The following RBFOX1 variants were observed in gnomAD, a reference collection of about 807,000 sequenced individuals.
RBFOX1 encodes RNA binding fox-1 homolog 1, also known as RNA binding protein fox-1 homolog 1.
Under a neutral mutation model 57.7 loss-of-function variants are expected in RBFOX1, and 8 were observed. The observed-to-expected ratio is 0.14, with a 90% confidence interval of 0.08 to 0.25. The LOEUF (loss-of-function observed/expected upper bound fraction) is 0.25, where lower values mean the gene tolerates loss of function less well. Ranked by LOEUF, RBFOX1 falls within the 10% of genes least tolerant of loss-of-function variation. The pLI is 1.00. For synonymous variants in RBFOX1, 326 were observed against 222.4 expected (o/e 1.47, Z -4.15); for missense variants, 611 against 548.5 (o/e 1.11, Z -1.14).
chr16:7,608,515 G>A (rs114360617), intron 10 of RBFOX1, among the ~76,000 whole-genome samples: 1 of 152,176 alleles, frequency 6.6e-6, no homozygotes, highest in African/African-American at 2.4e-5. Flanking sequence ...TCACTCTTGT[G>A]GGGGAAGAGA....
intron 3 of RBFOX1, among the ~76,000 whole-genome samples, chr16:5,817,870 T>C (rs2055699439): frequency 6.6e-6 from 1 of 152,046 alleles, no homozygotes; most frequent in African/African-American, 2.4e-5. Context: ...TTTTGTATTT[T>C]TAGTAGAGTT....
chr16:6,921,583 A>G (rs2074446590), intron 3 of RBFOX1, among the ~76,000 whole-genome samples: 1 of 151,850 alleles, frequency 6.6e-6, no homozygotes, highest in African/African-American at 2.4e-5. Context: ...TGCTTCTTCA[A>G]GCAGTGGAGA....
chr16:6,919,198 G>C (rs2153450348), intron 3 of RBFOX1, among the ~76,000 whole-genome samples: 1 of 152,114 alleles, frequency 6.6e-6, no homozygotes, highest in East Asian at 1.9e-4. Context: ...GGCCAGGCTG[G>C]TCTTGAACTC....
chr16:6,904,258 G>A (rs192357834), intron 3 of RBFOX1, among the ~76,000 whole-genome samples: 2 of 148,378 alleles, frequency 1.3e-5, no homozygotes, highest in East Asian at 1.9e-4. Context: ...AGGGACTTCT[G>A]TTGTTGAACC....
intron 3 of RBFOX1, among the ~76,000 whole-genome samples, chr16:6,879,586 T>C (rs2062510650): frequency 6.6e-6 from 1 of 152,248 alleles, no homozygotes; most frequent in Non-Finnish European, 1.5e-5. Flanking sequence ...TTATCATTTT[T>C]AAAGCCAGTA....
intron 1 of RBFOX1, among the ~76,000 whole-genome samples, chr16:5,244,152 C>T (rs1437765023): frequency 6.6e-6 from 1 of 152,170 alleles, no homozygotes; most frequent in Admixed American, 6.5e-5. Context: ...CTGCCTCGGC[C>T]TCCCAAGGTG....
chr16:6,829,343 T>A (rs1463731119), intron 3 of RBFOX1, among the ~76,000 whole-genome samples: 1 of 151,844 alleles, frequency 6.6e-6, no homozygotes, highest in African/African-American at 2.4e-5. Flanking sequence ...CAAGAATATG[T>A]GAGGAAGTAA....
At chr16:7,291,700 G>A (rs1176315322) in intron 4 of RBFOX1, among the ~76,000 whole-genome samples, 1 of 151,862 alleles carries the variant, frequency 6.6e-6, no homozygotes, top group African/African-American at 2.4e-5. Flanking sequence ...ACATGCAGGA[G>A]GCTGTCTGAA....
At chr16:7,373,331 A>G (rs2097608385) in intron 4 of RBFOX1, among the ~76,000 whole-genome samples, 1 of 152,170 alleles carries the variant, frequency 6.6e-6, no homozygotes, top group African/African-American at 2.4e-5. Flanking sequence ...ATCACAATAC[A>G]TGTTATAGTA....
At chr16:6,707,436 G>T (rs2062941650) in intron 3 of RBFOX1, among the ~76,000 whole-genome samples, 3 of 150,100 alleles carry the variant, frequency 2.0e-5, no homozygotes. Flanking sequence ...TAAACTACAT[G>T]TGGGAAAATG....
Position 7,029,073 on chromosome 16 carries a change from TATATATATACACAC to T in RBFOX1, c.-15-22982_-15-22969del, listed in dbSNP as rs1231673521. Among the ~76,000 whole-genome samples the T allele has an allele frequency of 3.2e-3, 145 of 45,590 alleles. 5 individuals carry two copies. Among genetic ancestry groups the T allele is most frequent in the African/African-American group, 0.029 (137 of 4,672 alleles). The allele number at this position is 45,590 out of a possible 152,430, so 29.9% of individuals were successfully genotyped here. A position where few individuals can be genotyped will look rare whatever the true frequency, so the allele number is the denominator to read the frequency against. The stretch of plus-strand genomic sequence containing the variant: ...ATATATATATATATATATATATATA[TATATATATACACAC>T]ACACACACACACACACACACACACA... On this transcript the variant is annotated intron_variant, in intron 3 of 15. Transcript: ENST00000550418.
intron 4 of RBFOX1, among the ~76,000 whole-genome samples, chr16:7,171,867 T>TGA (rs1440944425): frequency 3.9e-5 from 6 of 152,218 alleles, no homozygotes; most frequent in African/African-American, 1.4e-4. Context: ...GGATGATGAC[T>TGA]GAGACACATC....
At chr16:5,276,018 T>C (rs1445463740) in intron 1 of RBFOX1, among the ~76,000 whole-genome samples, 1 of 152,196 alleles carries the variant, frequency 6.6e-6, no homozygotes, top group Non-Finnish European at 1.5e-5. Flanking sequence ...ATCTCTCACC[T>C]TATACAAAAA....
At chr16:6,406,470 T>G (rs1596710832) in intron 2 of RBFOX1, among the ~76,000 whole-genome samples, 3 of 152,336 alleles carry the variant, frequency 2.0e-5, no homozygotes, top group South Asian at 2.1e-4. Context: ...ATAGGAAAAT[T>G]TTATTACTTT....
intron 1 of RBFOX1, among the ~76,000 whole-genome samples, chr16:6,218,434 G>C (rs1007376636): frequency 6.6e-6 from 1 of 151,892 alleles, no homozygotes; most frequent in Non-Finnish European, 1.5e-5. Context: ...TTAGCCTGCC[G>C]AGTAGCTGGG....
intron 1 of RBFOX1, among the ~76,000 whole-genome samples, chr16:6,155,665 C>T (rs1008150757): frequency 6.6e-6 from 1 of 152,178 alleles, no homozygotes; most frequent in Non-Finnish European, 1.5e-5. Flanking sequence ...ATCCCACCAA[C>T]TCTTAACTCC....
At chr16:7,635,688 C>T (rs1597018726) in intron 11 of RBFOX1, among the ~76,000 whole-genome samples, 1 of 152,144 alleles carries the variant, frequency 6.6e-6, no homozygotes, top group East Asian at 1.9e-4. Flanking sequence ...GTGACCGTCT[C>T]CCTTTAAGCC....
At chr16:6,694,566 G>A (rs1014192995) in intron 3 of RBFOX1, among the ~76,000 whole-genome samples, 3 of 152,020 alleles carry the variant, frequency 2.0e-5, no homozygotes, top group African/African-American at 4.8e-5. Flanking sequence ...TTCACTGAGG[G>A]CCTCTTTACT....
intron 1 of RBFOX1, among the ~76,000 whole-genome samples, chr16:6,168,713 C>G (rs1488844449): frequency 1.3e-5 from 2 of 152,092 alleles, no homozygotes; most frequent in African/African-American, 4.8e-5. Context: ...GGGGTCTTTT[C>G]TTTGCAAAGT....
Sources: allele counts gnomAD v4.1 joint callset (sites outside exome capture counted in the v4.1 genomes callset), GRCh38; gene constraint gnomAD v4.1.1; transcripts MANE v1.5; gene names NCBI Gene and HGNC (gene_info 2026-07-23, HGNC 2026-07-21).